The following PPME1 variants were observed in gnomAD, a reference collection of about 807,000 sequenced individuals.
The protein encoded by PPME1 is protein phosphatase methylesterase 1, also known as testicular secretory protein Li 39.
PPME1 carries 17 observed loss-of-function variants against 56.9 expected under a neutral mutation model. The ratio of observed to expected loss-of-function variants is 0.30; its 90% CI spans 0.20 to 0.45. The LOEUF (loss-of-function observed/expected upper bound fraction) is 0.45, where lower values mean the gene tolerates loss of function less well. PPME1 is among the 20% of genes least tolerant of loss of function. The probability of loss-of-function intolerance (pLI) is 1.00; values close to 1 mark genes in which losing one functional copy is unlikely to be tolerated. For synonymous variants in PPME1, 122 were observed against 156.2 expected (o/e 0.78, Z 1.63); for missense variants, 357 against 483.2 (o/e 0.74, Z 2.45).
intron 1 of PPME1, among the ~76,000 whole-genome samples, chr11:74,197,557 C>G (rs1427524922): frequency 6.6e-6 from 1 of 152,150 alleles, no homozygotes; most frequent in Non-Finnish European, 1.5e-5. Flanking sequence ...CTATAATCCC[C>G]TAACATGAAG....
chr11:74,181,160 T>G (rs1857525583), intron 1 of PPME1, among the ~76,000 whole-genome samples: 1 of 149,738 alleles, frequency 6.7e-6, no homozygotes, highest in Non-Finnish European at 1.5e-5. Context: ...TTCTCCTGCC[T>G]CAGCCTCCCG....
intron 1 of PPME1, among the ~76,000 whole-genome samples, chr11:74,193,783 T>A (rs1215621862): frequency 6.6e-6 from 1 of 152,238 alleles, no homozygotes; most frequent in Non-Finnish European, 1.5e-5. Flanking sequence ...ATTTGTTTTT[T>A]AATTTTAATT....
At chr11:74,188,617 G>A (rs754608204) in intron 1 of PPME1, among the ~76,000 whole-genome samples, 7 of 152,064 alleles carry the variant, frequency 4.6e-5, no homozygotes, top group Non-Finnish European at 8.8e-5. Context: ...AACAACGAAA[G>A]TCTTGGTTCC....
At chr11:74,234,296 C>A (rs1281999510) in intron 7 of PPME1, among the ~76,000 whole-genome samples, 2 of 152,058 alleles carry the variant, frequency 1.3e-5, no homozygotes, top group Non-Finnish European at 2.9e-5. Flanking sequence ...TTAGAAGAGG[C>A]TGAACTAGAG....
chr11:74,211,622 CA>C (rs1167690094), intron 3 of PPME1, among the ~76,000 whole-genome samples: 1 of 151,836 alleles, frequency 6.6e-6, no homozygotes, highest in Non-Finnish European at 1.5e-5. Context: ...TTGAGTTTAC[CA>C]AAACAAAAAC....
intron 5 of PPME1, 147 bp downstream of exon 5, chr11:74,225,403 G>T (rs1377156310): frequency 9.0e-6 from 5 of 553,062 alleles, no homozygotes; most frequent in Non-Finnish European, 1.5e-5. Flanking sequence ...TCTACTTCTG[G>T]TTTCTCCTTA....
intron 13 of PPME1, among the ~76,000 whole-genome samples, chr11:74,252,164 G>A (rs903735662): frequency 1.1e-4 from 17 of 148,872 alleles, no homozygotes; most frequent in Non-Finnish European, 1.8e-4. Context: ...TGCCACCTGG[G>A]CTCAAGTGAT....
chr11:74,197,695 AAG>A (rs1858024799), intron 1 of PPME1, among the ~76,000 whole-genome samples: 2 of 152,236 alleles, frequency 1.3e-5, no homozygotes, highest in African/African-American at 4.8e-5. Flanking sequence ...AGGAACTGAT[AAG>A]AATGCAGTAT....
At chr11:74,236,580 A>G (rs1351897201) in intron 8 of PPME1, among the ~76,000 whole-genome samples, 2 of 152,208 alleles carry the variant, frequency 1.3e-5, no homozygotes, top group African/African-American at 2.4e-5. Context: ...AAGGTATTTT[A>G]TATGCACTGT....
At position 74,171,536 on chromosome 11, in the gene PPME1, A is replaced by G; in HGVS notation, c.101+14A>G. On this transcript the variant is annotated intron_variant, in intron 1 of 13. Transcript: ENST00000328257. Reference sequence around the variant, plus strand: ...GATGCGAATGGGGTACGTGACCCATACCCCTTCTCCCTATGGGCCAGGCCC... The same window carrying G: ...GATGCGAATGGGGTACGTGACCCATGCCCCTTCTCCCTATGGGCCAGGCCC... 6.2e-7 allele frequency: 1 copy of G among 1,602,872 alleles called. No individual in the cohort carries two copies. The highest frequency in any genetic ancestry group is 8.5e-7 in the Non-Finnish European group (1 of 1,174,938).
intron 1 of PPME1, among the ~76,000 whole-genome samples, chr11:74,188,190 C>CTTT (rs557437447): frequency 1.6e-4 from 22 of 136,762 alleles, no homozygotes; most frequent in South Asian, 9.4e-4. Flanking sequence ...TCCTTTTTCT[C>CTTT]TTTTTTTTTT....
At chr11:74,222,176 T>C (rs1428954758) in intron 3 of PPME1, 136 bp from the exon 4 acceptor site, 1 of 675,530 alleles carries the variant, frequency 1.5e-6, no homozygotes, top group East Asian at 2.8e-5. Flanking sequence ...TTCATTTTGC[T>C]TAAAACTAGA....
chr11:74,228,799 T>C (rs1858994459), intron 5 of PPME1, among the ~76,000 whole-genome samples: 1 of 152,178 alleles, frequency 6.6e-6, no homozygotes, highest in African/African-American at 2.4e-5. Context: ...AGAGCACAAC[T>C]GAAAAAGAAG....
chr11:74,181,359 C>G (rs1432198162), intron 1 of PPME1, among the ~76,000 whole-genome samples: 2 of 152,042 alleles, frequency 1.3e-5, no homozygotes, highest in Admixed American at 1.3e-4. Context: ...ACTTTTTCAA[C>G]TCCTATCCAT....
intron 5 of PPME1, among the ~76,000 whole-genome samples, chr11:74,229,742 G>A (rs769865339): frequency 9.2e-5 from 14 of 152,150 alleles, no homozygotes; most frequent in East Asian, 1.9e-4. Context: ...TATAGATGTC[G>A]AAACTCAGTT....
intron 3 of PPME1, among the ~76,000 whole-genome samples, chr11:74,211,366 G>A (rs905610893): frequency 6.6e-6 from 1 of 152,032 alleles, no homozygotes; most frequent in African/African-American, 2.4e-5. Context: ...AGAGCAATCT[G>A]GTCTTTCAGA....
intron 9 of PPME1, among the ~76,000 whole-genome samples, chr11:74,242,006 G>A (rs892059131): frequency 2.0e-5 from 3 of 151,608 alleles, no homozygotes; most frequent in African/African-American, 7.3e-5. Context: ...TTTTCTTTTT[G>A]TCCCTTGTAC....
intron 1 of PPME1, among the ~76,000 whole-genome samples, chr11:74,174,434 ATTCT>A (rs1268604111): frequency 6.6e-6 from 1 of 152,140 alleles, no homozygotes; most frequent in Non-Finnish European, 1.5e-5. Context: ...ATTTCAAAGC[ATTCT>A]TTATGTCTCC....
chr11:74,227,070 G>A (rs1038857597), intron 5 of PPME1, among the ~76,000 whole-genome samples: 3 of 152,120 alleles, frequency 2.0e-5, no homozygotes, highest in Non-Finnish European at 2.9e-5. Context: ...TTCGTGGGGA[G>A]GATCTCACCA....
Sources: gnomAD v4.1 joint callset for allele counts (sites outside exome capture counted in the v4.1 genomes callset) on GRCh38, gnomAD v4.1.1 for gene constraint, MANE v1.5 for transcripts, NCBI Gene and HGNC (gene_info 2026-07-23, HGNC 2026-07-21) for gene names.